The following RASSF5 variants were observed in gnomAD, a reference collection of about 807,000 sequenced individuals.
The protein encoded by RASSF5 is Ras association domain family member 5.
RASSF5 carries 25 observed loss-of-function variants against 40.5 expected under a neutral mutation model. That is an observed-to-expected ratio of 0.62 (90% CI 0.45 to 0.86). The LOEUF (loss-of-function observed/expected upper bound fraction) is 0.86, where lower values mean the gene tolerates loss of function less well. Ranked by LOEUF, RASSF5 falls within the 40% of genes least tolerant of loss-of-function variation. The probability of loss-of-function intolerance (pLI) is 0.00; values close to 1 mark genes in which losing one functional copy is unlikely to be tolerated. For synonymous variants in RASSF5, 246 were observed against 252.4 expected, an observed-to-expected ratio of 0.97 and a Z score of 0.24; for missense variants, 521 against 572.8, an observed-to-expected ratio of 0.91 and a Z score of 0.92.
In RASSF5 at chr1:206,584,765, T is replaced by G; in HGVS notation, c.988+81T>G. On this transcript the variant is annotated intron_variant, in intron 4 of 5. Coordinates refer to ENST00000579436, the MANE Select transcript of RASSF5 (RefSeq NM_182663.4). The surrounding 1 kb of genome is among the most constrained non-coding windows in gnomAD (Gnocchi z 4.9). ...CACCCACTAAAACTCCTGCCGGCCT[T>G]GGGTGGGAGCTGTGGGCTTCTCCTG... The G allele has an allele frequency of 1.4e-6, 2 of 1,478,910 alleles. No homozygotes were observed. The highest frequency in any genetic ancestry group is 1.9e-6 in the Non-Finnish European group (2 of 1,077,860). 91.6% of individuals were successfully genotyped at this position (1,478,910 alleles called of 1,614,324 possible).
rs1572374222 is a variant in RASSF5, at chr1:206,584,941, C to T, written c.989-239C>T. On this transcript the variant is annotated intron_variant, in intron 4 of 5. Coordinates refer to ENST00000579436, the MANE Select transcript of RASSF5 (RefSeq NM_182663.4). This position sits in a 1 kb window ranked among gnomAD's most constrained non-coding sequence, Gnocchi z 4.9. ...ATCTGTGCAATGGGAGGAATCTGCC[C>T]CACCATTCCTAATCTTTCAGGAGAT... The T allele has an allele frequency of 1.7e-6, 1 of 605,560 alleles. No homozygotes were observed. The highest frequency in any genetic ancestry group is 2.0e-5 in the South Asian group (1 of 49,646). 37.5% of individuals were successfully genotyped at this position (605,560 alleles called of 1,614,324 possible).
intron 1 of RASSF5, among the ~76,000 whole-genome samples, chr1:206,528,407 G>A (rs776525693): frequency 2.0e-5 from 3 of 152,146 alleles, no homozygotes; most frequent in Non-Finnish European, 4.4e-5. Flanking sequence ...GGTTAGAGAG[G>A]AAGAAGGGAT....
chr1:206,536,852 C>A (rs1247081691), intron 1 of RASSF5, among the ~76,000 whole-genome samples: 2 of 148,910 alleles, frequency 1.3e-5, no homozygotes, highest in African/African-American at 4.9e-5. Context: ...TTATGAGATT[C>A]CAGCGCCTAG....
At chr1:206,523,733 TATATA>T (rs1558498305) in intron 1 of RASSF5, among the ~76,000 whole-genome samples, 1 of 98,982 alleles carries the variant, frequency 1.0e-5, no homozygotes, top group Non-Finnish European at 1.8e-5. Flanking sequence ...TTATATATTA[TATATA>T]ATATATTTTA....
chr1:206,510,900 G>A (rs1666597881), intron 1 of RASSF5, among the ~76,000 whole-genome samples: 1 of 152,180 alleles, frequency 6.6e-6, no homozygotes. Context: ...GGAGGGCAGT[G>A]GGTATGTGAG....
In RASSF5 at chr1:206,507,754, C is replaced by A; in HGVS notation, c.152C>A (p.Ser51Tyr). The change falls in exon 1 of 6, where the codon TCC (serine) becomes TAC (tyrosine). Residue 51 changes from serine (S) to tyrosine (Y), a missense_variant. This residue lies in a region of RASSF5 where 237 missense variants were observed against 212.0 expected (regional missense o/e 1.12). Coordinates refer to ENST00000579436, the MANE Select transcript of RASSF5 (RefSeq NM_182663.4). ...CGCCTCTGTGTCCCGGCGCCCCTCT[C>A]CACTGCGCCCGGGGCGCGCGAGGGG... is the stretch of plus-strand genomic sequence containing the variant. ...SSRLCVPAPL[S>Y]TAPGAREGRS... 7.0e-7 allele frequency: 1 copy of A among 1,436,156 alleles called. No homozygotes were observed. Among genetic ancestry groups the A allele is most frequent in the Non-Finnish European group, 9.1e-7 (1 of 1,103,402 alleles). The allele number at this position is 1,436,156 out of a possible 1,614,324, so 89.0% of individuals were successfully genotyped here. A position where few individuals can be genotyped will look rare whatever the true frequency, so the allele number is the denominator to read the frequency against.
chr1:206,573,654 G>C (rs1372696387), intron 2 of RASSF5, among the ~76,000 whole-genome samples: 1 of 152,220 alleles, frequency 6.6e-6, no homozygotes, highest in Admixed American at 6.5e-5. Flanking sequence ...GTGGATGTAA[G>C]TCATTAAAGA....
In RASSF5 at chr1:206,538,168, C is replaced by T; in HGVS notation, c.458-4C>T. The T allele has an allele frequency of 6.2e-7, 1 of 1,614,206 alleles. No individual in the cohort carries two copies. The highest frequency in any genetic ancestry group is 8.5e-7 in the Non-Finnish European group (1 of 1,180,032). On this transcript the variant is annotated splice_region_variant and splice_polypyrimidine_tract_variant and intron_variant, in intron 1 of 5. Transcript: ENST00000579436. Reference sequence around the variant, plus strand: ...CTAATCTCCCTTTTGTTCTTTACCTCCAGACTGTAAATTCACCTGTCACCC... The same window carrying T: ...CTAATCTCCCTTTTGTTCTTTACCTTCAGACTGTAAATTCACCTGTCACCC...
intron 5 of RASSF5, 131 bp downstream of exon 5, chr1:206,585,426 G>A (rs1393404127): frequency 1.7e-5 from 12 of 703,742 alleles, no homozygotes; most frequent in African/African-American, 3.5e-5. Flanking sequence ...TTGAGAGAGT[G>A]AGCAGGGGTG....
intron 2 of RASSF5, among the ~76,000 whole-genome samples, chr1:206,569,573 C>T (rs565392647): frequency 8.5e-5 from 13 of 152,380 alleles, no homozygotes; most frequent in African/African-American, 2.2e-4. Context: ...TGCAGGGCCA[C>T]CTCAGTCTGC....
chr1:206,548,545 A>G (rs1284575904), intron 2 of RASSF5, among the ~76,000 whole-genome samples: 1 of 152,170 alleles, frequency 6.6e-6, no homozygotes, highest in Admixed American at 6.6e-5. Context: ...CTCTAACATG[A>G]GGGGTCAGAT....
At chr1:206,508,397 C>A (rs1666526491) in intron 1 of RASSF5, among the ~76,000 whole-genome samples, 1 of 151,326 alleles carries the variant, frequency 6.6e-6, no homozygotes, top group Admixed American at 6.6e-5. Flanking sequence ...ATGGCCTCGG[C>A]GGCCTCTGTC....
At chr1:206,533,716 C>G (rs1360628930) in intron 1 of RASSF5, among the ~76,000 whole-genome samples, 19 of 151,928 alleles carry the variant, frequency 1.3e-4, no homozygotes, top group Non-Finnish European at 2.4e-4. Context: ...GGTCATGCCA[C>G]TGTACTCCAA....
At position 206,587,670 on chromosome 1, in the gene RASSF5, T is replaced by G. The variant is rs1669173402; in HGVS notation, c.*692T>G. 6.5e-6 allele frequency: 1 copy of G among 153,438 alleles called. No individual in the cohort carries two copies. Among genetic ancestry groups the G allele is most frequent in the African/African-American group, 2.4e-5 (1 of 41,472 alleles). 9.5% of individuals were successfully genotyped at this position (153,438 alleles called of 1,614,324 possible). Reference sequence around the variant, plus strand: ...TTGCACATGGAAACCCAAAGGCATATATCTGCGTATGTGTGGTACTTAGTC... The same window carrying G: ...TTGCACATGGAAACCCAAAGGCATAGATCTGCGTATGTGTGGTACTTAGTC... On this transcript the variant is annotated 3_prime_UTR_variant, in exon 6 of 6. Transcript: ENST00000579436.
At chr1:206,578,158 C>A (rs371863146) in intron 2 of RASSF5, among the ~76,000 whole-genome samples, 1 of 150,944 alleles carries the variant, frequency 6.6e-6, no homozygotes, top group Non-Finnish European at 1.5e-5. Context: ...CCTAGGAGGT[C>A]GAGGCTGCAG....
chr1:206,537,029 C>A (rs1553398762), intron 1 of RASSF5, among the ~76,000 whole-genome samples: 2 of 152,194 alleles, frequency 1.3e-5, no homozygotes, highest in African/African-American at 4.8e-5. Context: ...CCCACCCCCG[C>A]TCCCCTGCCC....
intron 1 of RASSF5, among the ~76,000 whole-genome samples, chr1:206,525,095 A>G (rs1667063380): frequency 6.6e-6 from 1 of 152,078 alleles, no homozygotes; most frequent in African/African-American, 2.4e-5. Flanking sequence ...ACTCCTCCCA[A>G]GACACCCCTA....
At chr1:206,528,430 C>A (rs1553397505) in intron 1 of RASSF5, among the ~76,000 whole-genome samples, 2 of 152,124 alleles carry the variant, frequency 1.3e-5, no homozygotes, top group Non-Finnish European at 2.9e-5. Flanking sequence ...ATAGGCAGAG[C>A]ACAGCGGGTT....
At chr1:206,539,415 A>T (rs1418817720) in intron 2 of RASSF5, among the ~76,000 whole-genome samples, 1 of 152,198 alleles carries the variant, frequency 6.6e-6, no homozygotes, top group Non-Finnish European at 1.5e-5. Context: ...CAGAGTAGCC[A>T]TCACATGCTT....
Sources: gnomAD v4.1 joint callset for allele counts (sites outside exome capture counted in the v4.1 genomes callset) on GRCh38, gnomAD v4.1.1 for gene constraint, gnomAD v4.1.1 regional missense constraint, Gnocchi (gnomAD v3.1) non-coding constraint, MANE v1.5 for transcripts, NCBI Gene and HGNC (gene_info 2026-07-23, HGNC 2026-07-21) for gene names.